Variants in KCNIP4 observed in about 807,000 individuals in gnomAD.
The protein encoded by KCNIP4 is potassium voltage-gated channel interacting protein 4.
KCNIP4 carries 12 observed loss-of-function variants against 34.0 expected under a neutral mutation model. That is an observed-to-expected ratio of 0.35 (90% CI 0.23 to 0.57). KCNIP4 has a LOEUF of 0.57. KCNIP4 is among the 20% of genes least tolerant of loss of function. The pLI is 0.83. For synonymous variants in KCNIP4, 124 were observed against 102.2 expected (o/e 1.21, Z -1.29); for missense variants, 238 against 311.7 (o/e 0.76, Z 1.78).
chr4:20,804,183 G>A (rs1714775158), intron 3 of KCNIP4, among the ~76,000 whole-genome samples: 1 of 152,126 alleles, frequency 6.6e-6, no homozygotes, highest in Non-Finnish European at 1.5e-5. Flanking sequence ...CCTATGGTAA[G>A]TGCATCAGAT....
chr4:20,881,714 G>T (rs1432663889), intron 2 of KCNIP4, among the ~76,000 whole-genome samples: 2 of 152,186 alleles, frequency 1.3e-5, no homozygotes, highest in Non-Finnish European at 2.9e-5. Flanking sequence ...AGTTCGGCAG[G>T]CTATAGTACA....
At chr4:20,738,327 G>A (rs1170834791) in intron 5 of KCNIP4, among the ~76,000 whole-genome samples, 1 of 152,044 alleles carries the variant, frequency 6.6e-6, no homozygotes, top group African/African-American at 2.4e-5. Context: ...CTGGCCACAG[G>A]GTCTTTGAAA....
intron 1 of KCNIP4, among the ~76,000 whole-genome samples, chr4:21,753,171 A>C (rs1329203181): frequency 6.6e-6 from 1 of 152,184 alleles, no homozygotes; most frequent in African/African-American, 2.4e-5. Context: ...GGGCAGGGTA[A>C]AGTGTAGTGA....
chr4:20,890,499 T>C (rs866817762), intron 1 of KCNIP4, among the ~76,000 whole-genome samples: 5 of 152,164 alleles, frequency 3.3e-5, no homozygotes, highest in Non-Finnish European at 4.4e-5. Context: ...ATATATTAGG[T>C]ACTAATATAT....
chr4:21,291,402 A>G (rs1763450062), intron 1 of KCNIP4, among the ~76,000 whole-genome samples: 1 of 128,714 alleles, frequency 7.8e-6, no homozygotes, highest in African/African-American at 2.6e-5. Context: ...ACAAAATTAT[A>G]AACCTCACTG....
chr4:21,443,887 A>G (rs1305923440), intron 1 of KCNIP4, among the ~76,000 whole-genome samples: 1 of 152,120 alleles, frequency 6.6e-6, no homozygotes, highest in Non-Finnish European at 1.5e-5. Flanking sequence ...GAGTCATTAC[A>G]TCACTGCACT....
At chr4:21,917,777 G>A (rs903691530) in intron 1 of KCNIP4, among the ~76,000 whole-genome samples, 9 of 152,166 alleles carry the variant, frequency 5.9e-5, no homozygotes, top group Non-Finnish European at 1.0e-4. Context: ...AAGAGGGGTC[G>A]ATTTTCAAAT....
intron 1 of KCNIP4, among the ~76,000 whole-genome samples, chr4:21,623,786 T>C (rs1745139715): frequency 6.6e-6 from 1 of 152,088 alleles, no homozygotes. Context: ...CAAAGTTCTT[T>C]TCAATTAGTT....
intron 1 of KCNIP4, among the ~76,000 whole-genome samples, chr4:21,013,479 C>G (rs539807523): frequency 2.0e-5 from 3 of 151,548 alleles, no homozygotes; most frequent in African/African-American, 7.2e-5. Flanking sequence ...GACCAGCTCT[C>G]TCCAGTTCTT....
chr4:21,281,775 T>A (rs1399096468), intron 1 of KCNIP4, among the ~76,000 whole-genome samples: 2 of 152,192 alleles, frequency 1.3e-5, no homozygotes, highest in Non-Finnish European at 2.9e-5. Context: ...TTGATCTGAA[T>A]ATTGGATTAA....
intron 5 of KCNIP4, 111 bp downstream of exon 5, chr4:20,749,551 C>G (rs1348872595): frequency 4.5e-6 from 3 of 663,972 alleles, no homozygotes; most frequent in Non-Finnish European, 7.7e-6. Flanking sequence ...AGGGAGTGTC[C>G]TTGGGCTTTC....
At chr4:21,504,517 AAGAAAGC>A (rs1231357033) in intron 1 of KCNIP4, among the ~76,000 whole-genome samples, 3 of 150,612 alleles carry the variant, frequency 2.0e-5, no homozygotes, top group African/African-American at 7.3e-5. Flanking sequence ...GGAAGGAAGG[AAGAAAGC>A]AAGCAAGCAA....
chr4:21,106,692 G>A (rs1748576806), intron 1 of KCNIP4, among the ~76,000 whole-genome samples: 1 of 151,174 alleles, frequency 6.6e-6, no homozygotes, highest in East Asian at 1.9e-4. Flanking sequence ...GTAACGTTAG[G>A]GTGTCAGTTT....
intron 1 of KCNIP4, among the ~76,000 whole-genome samples, chr4:21,724,584 A>ACCT (rs1715060296): frequency 6.6e-6 from 1 of 150,582 alleles, no homozygotes; most frequent in Non-Finnish European, 1.5e-5. Context: ...TTTTTTTTTA[A>ACCT]CCTCTTCAGT....
chr4:21,209,955 T>C (rs1757111692), intron 1 of KCNIP4, among the ~76,000 whole-genome samples: 1 of 152,188 alleles, frequency 6.6e-6, no homozygotes. Flanking sequence ...TTGTTCATGC[T>C]CAAATGCTTA....
chr4:20,888,061 A>G (rs1725513953), intron 1 of KCNIP4, among the ~76,000 whole-genome samples: 1 of 152,062 alleles, frequency 6.6e-6, no homozygotes. Context: ...AAATCTCTAG[A>G]TACAAGGGAA....
intron 1 of KCNIP4, among the ~76,000 whole-genome samples, chr4:21,054,140 C>A (rs1197460981): frequency 6.6e-6 from 1 of 151,902 alleles, no homozygotes; most frequent in East Asian, 1.9e-4. Context: ...GCAAAAGATA[C>A]AGAATAGCCA....
intron 1 of KCNIP4, among the ~76,000 whole-genome samples, chr4:21,711,018 C>T (rs1045756214): frequency 7.2e-5 from 11 of 152,084 alleles, no homozygotes; most frequent in Non-Finnish European, 1.2e-4. Flanking sequence ...TAGAGGCACG[C>T]CTACTACCTA....
chr4:20,914,308 G>A (rs185884122), intron 1 of KCNIP4, among the ~76,000 whole-genome samples: 19 of 152,210 alleles, frequency 1.2e-4, no homozygotes, highest in Admixed American at 1.2e-3. Flanking sequence ...TAACCCCAAG[G>A]TGATGGTATT....
Sources: gnomAD v4.1 joint callset for allele counts (sites outside exome capture counted in the v4.1 genomes callset) on GRCh38, gnomAD v4.1.1 for gene constraint, MANE v1.5 for transcripts, NCBI Gene and HGNC (gene_info 2026-07-23, HGNC 2026-07-21) for gene names.